CYP4F2: variants seen among roughly 807,000 people sequenced by gnomAD.
The protein encoded by CYP4F2 is cytochrome P450 4F2.
In CYP4F2, 58 loss-of-function variants were observed where a neutral mutation model predicts 58.9. That is an observed-to-expected ratio of 0.98 (90% CI 0.80 to 1.23). The LOEUF is 1.23. CYP4F2 is among the 50% of genes most tolerant of loss of function. The pLI is 0.00. For missense variants in CYP4F2, 616 were observed against 685.6 expected (o/e 0.90, Z 1.13); for synonymous variants, 287 against 261.1 (o/e 1.10, Z -0.95).
At chr19:15,879,706 T>C (rs762714175) in intron 10 of CYP4F2, 38 bp from the exon 11 acceptor site, 47 of 1,613,810 alleles carry the variant, frequency 2.9e-5, no homozygotes, top group Non-Finnish European at 1.9e-5. Context: ...GAAGGCCTCC[T>C]TCACTGAGGG....
In CYP4F2 at chr19:15,892,428, G is replaced by C; in HGVS notation, c.406C>G (p.Leu136Val). 1.2e-6 allele frequency: 2 copies of C among 1,614,182 alleles called. No homozygotes were observed. Among genetic ancestry groups the C allele is most frequent in the East Asian group, 2.2e-5 (1 of 44,868 alleles). The change falls in exon 5 of 13, where the codon CTC becomes GTC. Residue 136 changes from leucine to valine, a missense_variant. Transcript: ENST00000221700. ...SFLEPWLGDGLLLSAGDKWSR... is the reference protein window; with the variant it reads ...SFLEPWLGDGVLLSAGDKWSR... ...CACTTGTCACCAGCACTCAGCAGGA[G>C]CCCATCCCCTAGCAGGGCAGCCAAG...
At chr19:15,882,481 A>T (rs1476545700) in intron 9 of CYP4F2, among the ~76,000 whole-genome samples, 1 of 151,714 alleles carries the variant, frequency 6.6e-6, no homozygotes, top group African/African-American at 2.4e-5. Context: ...CAACATAAAA[A>T]TGATAAATAT....
intron 2 of CYP4F2, 91 bp downstream of exon 2, chr19:15,897,321 CAG>C: frequency 3.5e-5 from 40 of 1,151,658 alleles, no homozygotes; most frequent in East Asian, 1.1e-4. Context: ...CCCCAGATCC[CAG>C]CCCACCCCTT....
At chr19:15,895,438 C>A (rs557608169) in intron 3 of CYP4F2, 68 bp downstream of exon 3, 1 of 1,452,790 alleles carries the variant, frequency 6.9e-7, no homozygotes, top group African/African-American at 1.5e-5. Flanking sequence ...AGGGCCCACA[C>A]AGGAGCTTGG....
intron 9 of CYP4F2, among the ~76,000 whole-genome samples, chr19:15,880,654 C>G (rs1218332427): frequency 6.6e-6 from 1 of 151,810 alleles, no homozygotes; most frequent in Non-Finnish European, 1.5e-5. Flanking sequence ...AATACACATT[C>G]TTAAAAGTAA....
intron 9 of CYP4F2, among the ~76,000 whole-genome samples, chr19:15,883,862 C>T (rs949454783): frequency 6.6e-6 from 1 of 152,112 alleles, no homozygotes; most frequent in Non-Finnish European, 1.5e-5. Flanking sequence ...AGTTCGAGAC[C>T]AGCCTGGCCA....
Position 15,886,249 on chromosome 19 carries a change from C to T in CYP4F2, c.978G>A (p.Met326Ile). 6.2e-7 allele frequency: 1 copy of T among 1,614,128 alleles called. No individual in the cohort carries two copies. Reference sequence around the variant, plus strand: ...CCACACTGGGGCCCTCACCCTCAAACATAAAGGTGTCAGCTTCTGCTCTTA... The same window carrying T: ...CCACACTGGGGCCCTCACCCTCAAATATAAAGGTGTCAGCTTCTGCTCTTA... The part of the protein sequence containing the change: ...EDIRAEADTF[M>I]FEGHDTTASG... Residue 326 changes from methionine (M) to isoleucine (I), a missense_variant, in exon 8 of 13, where the codon ATG becomes ATA. Physicochemically the swap from Met to Ile is conservative, Grantham distance 10. Transcript: ENST00000221700.
intron 12 of CYP4F2, 23 bp from the exon 13 acceptor site, chr19:15,878,959 C>A: frequency 6.2e-7 from 1 of 1,609,674 alleles, no homozygotes; most frequent in Non-Finnish European, 8.5e-7. Context: ...GGTGGGAACT[C>A]TGACTGCACC....
In CYP4F2 at chr19:15,897,440, T is replaced by G. The variant is rs1158387957; in HGVS notation, c.172A>C (p.Asn58His). 6.2e-7 allele frequency: 1 copy of G among 1,613,560 alleles called. No individual in the cohort carries two copies. Among genetic ancestry groups the G allele is most frequent in the Admixed American group, 1.7e-5 (1 of 59,942 alleles). Residue 58 changes from asparagine to histidine, a missense_variant, in exon 2 of 13, where the codon AAC (asparagine) becomes CAC (histidine). By Grantham distance (68) the Asn-to-His change is moderately conservative. Transcript: ENST00000221700. ...ATGCCCTGGTGTCCCCAAAACCAGT[T>G]CCGTCTTGGGGGTTGTGGGAAACAC... ...LRCFPQPPRR[N>H]WFWGHQGMVN...
In CYP4F2 at chr19:15,878,845, C is replaced by G. The variant is rs751855405; in HGVS notation, c.1489G>C (p.Glu497Gln). The change falls in exon 13 of 13, where the codon GAG (glutamate) becomes CAG (glutamine). Residue 497 changes from glutamate (E) to glutamine (Q), a missense_variant. Transcript: ENST00000221700. ...ACCAGCTCCGGCTTCCTGCGGGGCT[C>G]GGTGTGGTCAGGCAGGACGCGGAAG... The part of the protein sequence containing the change: ...LRFRVLPDHT[E>Q]PRRKPELVLR... 24 of 1,613,902 alleles carry G rather than the reference C, an allele frequency of 1.5e-5. No homozygotes were observed. The highest frequency in any genetic ancestry group is 1.9e-5 in the Non-Finnish European group (22 of 1,179,974).
chr19:15,889,829 G>A (rs2089406287), intron 6 of CYP4F2, 136 bp from the exon 7 acceptor site: 1 of 1,332,832 alleles, frequency 7.5e-7, no homozygotes, highest in Non-Finnish European at 1.0e-6. Flanking sequence ...CAGATACAGG[G>A]TGGGGATCAG....
At chr19:15,895,466 G>T in intron 3 of CYP4F2, 40 bp downstream of exon 3, 1 of 1,464,306 alleles carries the variant, frequency 6.8e-7, no homozygotes, top group South Asian at 1.5e-5. Context: ...GGAAGTGCAG[G>T]CCTCAAATGC....
intron 9 of CYP4F2, among the ~76,000 whole-genome samples, chr19:15,880,186 T>TCCCCC (rs2089335229): frequency 6.6e-6 from 1 of 152,094 alleles, no homozygotes; most frequent in African/African-American, 2.4e-5. Context: ...CTGATGGATT[T>TCCCCC]TACAGTTGTA....
chr19:15,893,151 C>A (rs1006039713), intron 3 of CYP4F2, among the ~76,000 whole-genome samples: 2 of 152,156 alleles, frequency 1.3e-5, no homozygotes, highest in South Asian at 2.1e-4. Context: ...AAATATGGTA[C>A]CTTTAATGTC....
At chr19:15,897,354 C>T (rs778445208) in intron 2 of CYP4F2, 60 bp downstream of exon 2, 45 of 1,481,012 alleles carry the variant, frequency 3.0e-5, no homozygotes, top group Non-Finnish European at 3.8e-5. Flanking sequence ...CCCTAAGCCT[C>T]GTACCCCTCA....
rs953659592 is a variant in CYP4F2, at chr19:15,890,168, A to T, written c.647+144T>A. 5 of 1,389,726 alleles carry T rather than the reference A, an allele frequency of 3.6e-6. No individual in the cohort carries two copies. The African/African-American group carries it at 5.8e-5, about 16-fold the overall frequency. 86.1% of individuals were successfully genotyped at this position (1,389,726 alleles called of 1,614,324 possible). A position where few individuals can be genotyped will look rare whatever the true frequency, so the allele number is the denominator to read the frequency against. ...AATGGCTCCCTGGAAACCTCAAGAT[A>T]AAGTTCATACCAGTCCTTCAATGAT... On this transcript the variant is annotated intron_variant, in intron 6 of 12. Coordinates refer to ENST00000221700, the MANE Select transcript of CYP4F2 (RefSeq NM_001082.5).
At chr19:15,880,760 C>A (rs575921348) in intron 9 of CYP4F2, among the ~76,000 whole-genome samples, 26 of 152,058 alleles carry the variant, frequency 1.7e-4, no homozygotes, top group Non-Finnish European at 2.9e-4. Flanking sequence ...GATGTTCAAC[C>A]TCACTCTTAT....
chr19:15,885,314 G>C (rs1437213344), intron 9 of CYP4F2, among the ~76,000 whole-genome samples: 4 of 152,278 alleles, frequency 2.6e-5, no homozygotes, highest in Admixed American at 6.5e-5. Flanking sequence ...TGGGCTGGGA[G>C]TGTCCTGCCC....
intron 3 of CYP4F2, among the ~76,000 whole-genome samples, chr19:15,894,535 C>CTTGT (rs1024505814): frequency 6.6e-5 from 10 of 151,970 alleles, no homozygotes; most frequent in African/African-American, 2.4e-4. Flanking sequence ...TTCCAGTGAC[C>CTTGT]TTGTGTGAGA....
Sources: allele counts gnomAD v4.1 joint callset (sites outside exome capture counted in the v4.1 genomes callset), GRCh38; gene constraint gnomAD v4.1.1; transcripts MANE v1.5; gene names NCBI Gene and HGNC (gene_info 2026-07-23, HGNC 2026-07-21).